KIAA0825: variants seen among roughly 807,000 people sequenced by gnomAD.
KIAA0825 encodes KIAA0825.
In KIAA0825, 119 loss-of-function variants were observed where a neutral mutation model predicts 147.6. That is an observed-to-expected ratio of 0.81 (90% confidence interval 0.69 to 0.94). The LOEUF (loss-of-function observed/expected upper bound fraction) is 0.94, where lower values mean the gene tolerates loss of function less well. Among genes scored for constraint, KIAA0825 ranks in the 40% least tolerant of loss-of-function variants. The probability of loss-of-function intolerance (pLI) is 0.00; values close to 1 mark genes in which losing one functional copy is unlikely to be tolerated. For missense variants in KIAA0825, 1,381 were observed against 1,472.7 expected (o/e 0.94, Z 1.02); for synonymous variants, 470 against 518.1 (o/e 0.91, Z 1.26).
chr5:94,592,844 G>A (rs1784593033), intron 1 of KIAA0825: 1 of 568,218 alleles, frequency 1.8e-6, no homozygotes, highest in Non-Finnish European at 3.3e-6. Context: ...CCATTCTCCT[G>A]GACTGTGTTT....
intron 20 of KIAA0825, among the ~76,000 whole-genome samples, chr5:94,265,526 C>T (rs749070637): frequency 1.3e-5 from 2 of 152,130 alleles, no homozygotes; most frequent in Non-Finnish European, 2.9e-5. Flanking sequence ...AGGCCAGGTG[C>T]GGTGGCTTAC....
intron 20 of KIAA0825, among the ~76,000 whole-genome samples, chr5:94,326,425 T>G (rs1171521847): frequency 6.6e-6 from 1 of 152,196 alleles, no homozygotes; most frequent in Non-Finnish European, 1.5e-5. Context: ...AGTGGTAAGA[T>G]GTAGTTCCAA....
intron 9 of KIAA0825, among the ~76,000 whole-genome samples, chr5:94,470,554 T>C (rs1031147064): frequency 6.6e-6 from 1 of 152,252 alleles, no homozygotes; most frequent in African/African-American, 2.4e-5. Context: ...ATTTTGTAGA[T>C]ATCAATTATC....
intron 2 of KIAA0825, among the ~76,000 whole-genome samples, chr5:94,555,120 G>A (rs1017176941): frequency 2.2e-4 from 34 of 151,706 alleles, no homozygotes; most frequent in Non-Finnish European, 7.4e-5. Flanking sequence ...CAACATCATC[G>A]ACTTTTTTAA....
rs771486226 is a variant in KIAA0825, at chr5:94,182,250, C to CTTT, written c.3711-28129_3711-28127dup. Among the ~76,000 whole-genome samples, 19 of 38,280 alleles carry CTTT rather than the reference C, an allele frequency of 5.0e-4. 5 individuals carry two copies. The highest frequency in any genetic ancestry group is 3.6e-3 in the South Asian group (2 of 556). 25.1% of individuals were successfully genotyped at this position (38,280 alleles called of 152,430 possible). A position where few individuals can be genotyped will look rare whatever the true frequency, so the allele number is the denominator to read the frequency against. Reference sequence around the variant, plus strand: ...CAAGACATAACTTAAAATGTCCCTTCTTTTTTTTTTTTTTTTTTTTTTTTT... The same window carrying CTTT: ...CAAGACATAACTTAAAATGTCCCTTCTTTTTTTTTTTTTTTTTTTTTTTTTTTT... On this transcript the variant is annotated intron_variant, in intron 20 of 20. Transcript: ENST00000682413.
At chr5:94,227,454 G>A (rs899442401) in intron 20 of KIAA0825, among the ~76,000 whole-genome samples, 15 of 151,876 alleles carry the variant, frequency 9.9e-5, no homozygotes, top group South Asian at 2.1e-4. Context: ...GCTAAATGAC[G>A]AGTTAATGGG....
chr5:94,309,772 A>G (rs1778997299), intron 20 of KIAA0825, among the ~76,000 whole-genome samples: 1 of 151,700 alleles, frequency 6.6e-6, no homozygotes, highest in African/African-American at 2.4e-5. Flanking sequence ...GTTCCCTCCA[A>G]TGAGTCCTAA....
intron 2 of KIAA0825, among the ~76,000 whole-genome samples, chr5:94,573,516 C>T (rs967980402): frequency 6.6e-6 from 1 of 152,154 alleles, no homozygotes; most frequent in African/African-American, 2.4e-5. Context: ...AAGTGATCCA[C>T]CTGCGGAGGC....
intron 5 of KIAA0825, among the ~76,000 whole-genome samples, chr5:94,513,986 G>A (rs1766860219): frequency 1.3e-5 from 2 of 152,080 alleles, no homozygotes; most frequent in African/African-American, 4.8e-5. Flanking sequence ...CAGCCAAAAT[G>A]CTTTCATTTT....
intron 17 of KIAA0825, among the ~76,000 whole-genome samples, chr5:94,394,083 C>T (rs1750296486): frequency 6.6e-6 from 1 of 151,868 alleles, no homozygotes; most frequent in Non-Finnish European, 1.5e-5. Context: ...AACTCCTGAC[C>T]TCAGGTGATC....
At chr5:94,217,710 GT>G in intron 20 of KIAA0825, among the ~76,000 whole-genome samples, 1 of 152,182 alleles carries the variant, frequency 6.6e-6, no homozygotes, top group East Asian at 1.9e-4. Flanking sequence ...AGATATCAGT[GT>G]TTTTTTAAAA....
At chr5:94,506,494 G>C (rs1479461584) in intron 5 of KIAA0825, among the ~76,000 whole-genome samples, 1 of 152,162 alleles carries the variant, frequency 6.6e-6, no homozygotes, top group Non-Finnish European at 1.5e-5. Flanking sequence ...CTATGGAAGT[G>C]AATATGGAAG....
At chr5:94,550,040 T>C (rs555251770) in intron 2 of KIAA0825, among the ~76,000 whole-genome samples, 1 of 152,170 alleles carries the variant, frequency 6.6e-6, no homozygotes, top group South Asian at 2.1e-4. Flanking sequence ...ATGTGGTACA[T>C]ATACACAATG....
intron 20 of KIAA0825, among the ~76,000 whole-genome samples, chr5:94,177,532 T>C (rs551394726): frequency 3.9e-5 from 6 of 152,188 alleles, no homozygotes; most frequent in African/African-American, 1.4e-4. Context: ...ACCCCCTAAA[T>C]TCCTCTAAGC....
intron 14 of KIAA0825, among the ~76,000 whole-genome samples, chr5:94,435,549 T>C (rs1229484452): frequency 6.6e-6 from 1 of 152,160 alleles, no homozygotes; most frequent in Non-Finnish European, 1.5e-5. Context: ...TGATTTCATG[T>C]CTTTGCTATT....
At chr5:94,263,487 T>C (rs1409187329) in intron 20 of KIAA0825, among the ~76,000 whole-genome samples, 1 of 152,180 alleles carries the variant, frequency 6.6e-6, no homozygotes, top group African/African-American at 2.4e-5. Flanking sequence ...ATATGCTTTC[T>C]ACATTGGTGA....
chr5:94,426,108 C>A (rs1298385858), intron 14 of KIAA0825, among the ~76,000 whole-genome samples: 1 of 151,084 alleles, frequency 6.6e-6, no homozygotes, highest in African/African-American at 2.4e-5. Flanking sequence ...TGGTCTCAAG[C>A]GATCCTCCCG....
chr5:94,589,668 C>A (rs762866246), intron 1 of KIAA0825, among the ~76,000 whole-genome samples: 2 of 151,992 alleles, frequency 1.3e-5, no homozygotes, highest in Non-Finnish European at 2.9e-5. Context: ...TATCTCCTTG[C>A]AAAAACTTTT....
chr5:94,511,606 G>C (rs1766489641), intron 5 of KIAA0825, among the ~76,000 whole-genome samples: 1 of 152,206 alleles, frequency 6.6e-6, no homozygotes, highest in African/African-American at 2.4e-5. Context: ...CAGGCAACAA[G>C]AGCGAGACTC....
Sources: allele counts gnomAD v4.1 joint callset (sites outside exome capture counted in the v4.1 genomes callset), GRCh38; gene constraint gnomAD v4.1.1; transcripts MANE v1.5; gene names NCBI Gene and HGNC (gene_info 2026-07-23, HGNC 2026-07-21).